The following HMGA2 variants were observed in gnomAD, a reference collection of about 807,000 sequenced individuals.
HMGA2 encodes the protein high mobility group AT-hook 2.
In HMGA2, 8 loss-of-function variants were observed where a neutral mutation model predicts 19.1. That is an observed-to-expected ratio of 0.42 (90% CI 0.25 to 0.76). The LOEUF is 0.76. HMGA2 is among the 30% of genes least tolerant of loss of function. HMGA2 has a pLI of 0.28. For missense variants in HMGA2, 109 were observed against 136.3 expected (o/e 0.80, Z 1.00); for synonymous variants, 60 against 48.8 (o/e 1.23, Z -0.96).
chr12:65,932,794 C>G (rs1461224960), intron 3 of HMGA2, among the ~76,000 whole-genome samples: 1 of 152,194 alleles, frequency 6.6e-6, no homozygotes, highest in Non-Finnish European at 1.5e-5. Context: ...CAACAGGACT[C>G]TCTGGGCATT....
chr12:65,871,094 A>G (rs1309036931), intron 3 of HMGA2, among the ~76,000 whole-genome samples: 1 of 152,258 alleles, frequency 6.6e-6, no homozygotes, highest in Non-Finnish European at 1.5e-5. Context: ...TGACCAATGC[A>G]TCATAATTAC....
chr12:65,830,700 GA>G (rs772167606), intron 2 of HMGA2: 1 of 151,874 alleles, frequency 6.6e-6, no homozygotes, highest in Non-Finnish European at 1.5e-5. Flanking sequence ...CTGTTGATTT[GA>G]AAATTAACAG....
intron 3 of HMGA2, among the ~76,000 whole-genome samples, chr12:65,888,785 G>A (rs888454777): frequency 5.7e-4 from 86 of 150,628 alleles, no homozygotes; most frequent in African/African-American, 2.1e-3. Context: ...GGATGGTCTC[G>A]ACCTCCTGAC....
At chr12:65,870,299 T>C (rs1872645733) in intron 3 of HMGA2, among the ~76,000 whole-genome samples, 1 of 152,224 alleles carries the variant, frequency 6.6e-6, no homozygotes, top group African/African-American at 2.4e-5. Flanking sequence ...GTAGTGGTTT[T>C]CGAAATATTT....
intron 3 of HMGA2, chr12:65,842,934 C>T: frequency 1.8e-6 from 2 of 1,127,444 alleles, no homozygotes; most frequent in Non-Finnish European, 2.2e-6. Context: ...TAAAATCCTC[C>T]ATCCAGATGT....
chr12:65,961,553 C>A (rs1198310737), intron 4 of HMGA2, among the ~76,000 whole-genome samples: 4 of 152,160 alleles, frequency 2.6e-5, no homozygotes, highest in Non-Finnish European at 4.4e-5. Context: ...TAAACAAAAC[C>A]GGTGTGAAAT....
At chr12:65,829,998 A>G (rs1233405102) in intron 2 of HMGA2, among the ~76,000 whole-genome samples, 3 of 151,972 alleles carry the variant, frequency 2.0e-5, no homozygotes, top group African/African-American at 7.2e-5. Flanking sequence ...TCCAAAACAG[A>G]AGTAGGCTTT....
chr12:65,879,292 A>AT (rs549881363), intron 3 of HMGA2, among the ~76,000 whole-genome samples: 138 of 103,938 alleles, frequency 1.3e-3, no homozygotes, highest in Middle Eastern at 4.3e-3. Flanking sequence ...CATACCAGCT[A>AT]TTTTTTTTTT....
At chr12:65,879,097 A>G (rs1017990492) in intron 3 of HMGA2, among the ~76,000 whole-genome samples, 10 of 152,206 alleles carry the variant, frequency 6.6e-5, no homozygotes, top group Admixed American at 6.5e-4. Flanking sequence ...TGAGACAGTA[A>G]TCAACCATTC....
At chr12:65,886,899 C>A (rs1261854600) in intron 3 of HMGA2, among the ~76,000 whole-genome samples, 1 of 152,158 alleles carries the variant, frequency 6.6e-6, no homozygotes, top group Non-Finnish European at 1.5e-5. Flanking sequence ...CTATAGAATT[C>A]CACATTTTCT....
chr12:65,901,335 CT>C (rs1445269841), intron 3 of HMGA2, among the ~76,000 whole-genome samples: 1 of 152,224 alleles, frequency 6.6e-6, no homozygotes, highest in African/African-American at 2.4e-5. Context: ...AAAGAAGTCA[CT>C]CACATTATTG....
intron 2 of HMGA2, among the ~76,000 whole-genome samples, chr12:65,835,687 A>G (rs1870685699): frequency 6.6e-6 from 1 of 152,120 alleles, no homozygotes. Context: ...ATTTTGAAAT[A>G]CAGTGAAACT....
intron 1 of HMGA2, among the ~76,000 whole-genome samples, chr12:65,827,510 C>T (rs142020169): frequency 6.6e-6 from 1 of 151,554 alleles, no homozygotes; most frequent in Non-Finnish European, 1.5e-5. Flanking sequence ...GAATCATAAT[C>T]CACCTAGAAG....
At chr12:65,836,397 G>T (rs914980774) in intron 2 of HMGA2, among the ~76,000 whole-genome samples, 1 of 152,044 alleles carries the variant, frequency 6.6e-6, no homozygotes, top group African/African-American at 2.4e-5. Flanking sequence ...TCCCTTTAAG[G>T]GTTCCATCTA....
At chr12:65,836,364 GAAAA>G (rs58470265) in intron 2 of HMGA2, among the ~76,000 whole-genome samples, 1 of 104,784 alleles carries the variant, frequency 9.5e-6, no homozygotes, top group Non-Finnish European at 2.3e-5. Context: ...GTCTCAAAAA[GAAAA>G]AAAAAAAAAA....
chr12:65,835,707 A>T (rs183822495), intron 2 of HMGA2, among the ~76,000 whole-genome samples: 1 of 152,170 alleles, frequency 6.6e-6, no homozygotes, highest in South Asian at 2.1e-4. Context: ...TCTTTCAGAA[A>T]AAAAACCTCT....
At chr12:65,842,881 G>T in intron 3 of HMGA2, 1 of 1,271,850 alleles carries the variant, frequency 7.9e-7, no homozygotes, top group African/African-American at 1.5e-5. Flanking sequence ...TGGGGCTCAG[G>T]CTCAAGAATA....
intron 3 of HMGA2, among the ~76,000 whole-genome samples, chr12:65,891,677 C>T (rs1873918866): frequency 6.6e-6 from 1 of 152,212 alleles, no homozygotes; most frequent in South Asian, 2.1e-4. Flanking sequence ...GCTGCAGAAT[C>T]AGAAGCAGTA....
At chr12:65,925,615 T>C (rs1026345235) in intron 3 of HMGA2, among the ~76,000 whole-genome samples, 1 of 152,228 alleles carries the variant, frequency 6.6e-6, no homozygotes, top group Non-Finnish European at 1.5e-5. Flanking sequence ...AATTGCTCCC[T>C]GAACTGAATT....
Sources: gnomAD v4.1 joint callset for allele counts (sites outside exome capture counted in the v4.1 genomes callset) on GRCh38, gnomAD v4.1.1 for gene constraint, MANE v1.5 for transcripts, NCBI Gene and HGNC (gene_info 2026-07-23, HGNC 2026-07-21) for gene names.